Variants in CALN1 observed in about 807,000 individuals in gnomAD.
The protein encoded by CALN1 is calneuron 1.
CALN1 carries 17 observed loss-of-function variants against 30.6 expected under a neutral mutation model. That is an observed-to-expected ratio of 0.56 (90% confidence interval 0.38 to 0.83). The LOEUF (loss-of-function observed/expected upper bound fraction) is 0.83, where lower values mean the gene tolerates loss of function less well. Among genes scored for constraint, CALN1 ranks in the 40% least tolerant of loss-of-function variants. The pLI is 0.00. For synonymous variants in CALN1, 156 were observed against 131.4 expected (o/e 1.19, Z -1.28); for missense variants, 291 against 354.9 (o/e 0.82, Z 1.45).
intron 5 of CALN1, among the ~76,000 whole-genome samples, chr7:71,853,668 C>T (rs1287423819): frequency 6.6e-6 from 1 of 152,064 alleles, no homozygotes; most frequent in Non-Finnish European, 1.5e-5. Context: ...CAACCTCTGC[C>T]TCCCAGGCTC....
chr7:72,179,191 G>C (rs1024726189), intron 3 of CALN1, among the ~76,000 whole-genome samples: 1 of 152,142 alleles, frequency 6.6e-6, no homozygotes, highest in African/African-American at 2.4e-5. Context: ...GTAACAAAAC[G>C]AAGTAGATAA....
At chr7:72,339,555 A>G (rs1802286594) in intron 2 of CALN1, among the ~76,000 whole-genome samples, 1 of 152,362 alleles carries the variant, frequency 6.6e-6, no homozygotes, top group Middle Eastern at 3.4e-3. Context: ...ACAATAGCCA[A>G]GGAAGTTAAG....
At chr7:72,334,176 G>T (rs1801850726) in intron 2 of CALN1, among the ~76,000 whole-genome samples, 1 of 152,180 alleles carries the variant, frequency 6.6e-6, no homozygotes, top group Non-Finnish European at 1.5e-5. Context: ...TCAGAAATCT[G>T]AATTAAGAGG....
intron 3 of CALN1, among the ~76,000 whole-genome samples, chr7:72,117,444 T>TG (rs1280644165): frequency 6.6e-6 from 1 of 152,206 alleles, no homozygotes; most frequent in East Asian, 1.9e-4. Context: ...AGACACTGTT[T>TG]GGTCAGTCTT....
intron 3 of CALN1, among the ~76,000 whole-genome samples, chr7:72,245,974 A>G (rs1330462724): frequency 6.6e-6 from 1 of 152,236 alleles, no homozygotes; most frequent in East Asian, 1.9e-4. Context: ...TTGAATTGAA[A>G]AAAGGTCACT....
At chr7:72,110,327 T>C (rs796828310) in intron 3 of CALN1, among the ~76,000 whole-genome samples, 13 of 152,310 alleles carry the variant, frequency 8.5e-5, no homozygotes, top group African/African-American at 2.9e-4. Context: ...CCTTTGGGGC[T>C]ACTGGATTTA....
In CALN1 at chr7:72,254,907, C is replaced by T. The variant is rs144566691; in HGVS notation, c.244+23779G>A. 2.2e-4 allele frequency among the ~76,000 whole-genome samples: 33 copies of T among 152,198 alleles called. No homozygotes were observed. The East Asian group carries it at 6.2e-3, about 29-fold the overall frequency. Reference sequence around the variant, plus strand: ...TCAGCCTCCCAAGAAGCTGGGATTACAGGCTTGCACCACCACGCCCAGCTA... The same window carrying T: ...TCAGCCTCCCAAGAAGCTGGGATTATAGGCTTGCACCACCACGCCCAGCTA... On this transcript the variant is annotated intron_variant, in intron 3 of 6. Coordinates refer to ENST00000395275, the MANE Select transcript of CALN1 (RefSeq NM_031468.4).
At chr7:72,038,813 C>A (rs951352142) in intron 4 of CALN1, among the ~76,000 whole-genome samples, 2 of 152,188 alleles carry the variant, frequency 1.3e-5, no homozygotes. Context: ...AGAAGTTACC[C>A]TATAGGGTCT....
intron 5 of CALN1, among the ~76,000 whole-genome samples, chr7:71,859,722 G>A (rs899678712): frequency 1.1e-4 from 16 of 152,234 alleles, no homozygotes; most frequent in African/African-American, 3.6e-4. Context: ...ATATGAATAA[G>A]CTGTAGGATG....
chr7:72,387,152 T>C (rs1805255349), intron 2 of CALN1, among the ~76,000 whole-genome samples: 1 of 128,846 alleles, frequency 7.8e-6, no homozygotes, highest in Non-Finnish European at 1.6e-5. Flanking sequence ...TAAGTATCCA[T>C]AAGTCCATAC....
chr7:72,367,694 G>A (rs1803956668), intron 2 of CALN1, among the ~76,000 whole-genome samples: 1 of 152,122 alleles, frequency 6.6e-6, no homozygotes, highest in East Asian at 1.9e-4. Context: ...AATTAGCCAG[G>A]TTTGGTGGCA....
chr7:72,317,273 GAGGAA>G (rs1304860222), intron 2 of CALN1, among the ~76,000 whole-genome samples: 1 of 146,820 alleles, frequency 6.8e-6, no homozygotes, highest in East Asian at 2.2e-4. Context: ...CGGAGGGAGG[GAGGAA>G]GGGAAGGGAA....
At chr7:72,459,182 G>A in the CALN1 span, among the ~76,000 whole-genome samples, 1 of 151,974 alleles carries the variant, frequency 6.6e-6, no homozygotes, top group Non-Finnish European at 1.5e-5. Context: ...GGGATTACAG[G>A]CATGAACCAC....
chr7:71,994,997 C>T (rs1018022481), intron 5 of CALN1, among the ~76,000 whole-genome samples: 1 of 152,010 alleles, frequency 6.6e-6, no homozygotes, highest in Non-Finnish European at 1.5e-5. Flanking sequence ...GGACTACAGG[C>T]GCCCGCCACC....
intron 3 of CALN1, among the ~76,000 whole-genome samples, chr7:72,268,488 T>A (rs1796740765): frequency 6.6e-6 from 1 of 152,154 alleles, no homozygotes; most frequent in Non-Finnish European, 1.5e-5. Context: ...TTTAACTAAT[T>A]CAGGGAAACA....
chr7:72,489,334 T>C, the CALN1 span, among the ~76,000 whole-genome samples: 2 of 152,206 alleles, frequency 1.3e-5, no homozygotes, highest in Non-Finnish European at 2.9e-5. Flanking sequence ...CCTGGCACAG[T>C]CTTATCTGTA....
intron 6 of CALN1, among the ~76,000 whole-genome samples, chr7:71,805,728 A>T (rs535482382): frequency 3.3e-5 from 5 of 152,182 alleles, no homozygotes; most frequent in South Asian, 2.1e-4. Context: ...AGACCCTATT[A>T]TAAGATTATA....
At chr7:71,958,410 G>A (rs1797077564) in intron 5 of CALN1, among the ~76,000 whole-genome samples, 1 of 152,108 alleles carries the variant, frequency 6.6e-6, no homozygotes, top group Non-Finnish European at 1.5e-5. Flanking sequence ...TGTCTTCATT[G>A]TAAGACACAA....
At chr7:72,114,023 A>T (rs1807761955) in intron 3 of CALN1, among the ~76,000 whole-genome samples, 2 of 151,648 alleles carry the variant, frequency 1.3e-5, no homozygotes, top group South Asian at 4.2e-4. Context: ...CTTTTCAGAG[A>T]TAGAGTGGAT....
Sources: allele counts gnomAD v4.1 joint callset (sites outside exome capture counted in the v4.1 genomes callset), GRCh38; gene constraint gnomAD v4.1.1; transcripts MANE v1.5; gene names NCBI Gene and HGNC (gene_info 2026-07-23, HGNC 2026-07-21).